PRR16: variants seen among roughly 807,000 people sequenced by gnomAD.
The protein encoded by PRR16 is proline rich 16.
PRR16 carries 6 observed loss-of-function variants against 18.2 expected under a neutral mutation model. That is an observed-to-expected ratio of 0.33 (90% CI 0.18 to 0.65). The LOEUF (loss-of-function observed/expected upper bound fraction) is 0.65. PRR16 is among the 30% of genes least tolerant of loss of function. The probability of loss-of-function intolerance (pLI) is 0.74; values close to 1 mark genes in which losing one functional copy is unlikely to be tolerated. For missense variants in PRR16, 412 were observed against 376.6 expected (o/e 1.09, Z -0.78); for synonymous variants, 151 against 147.8 (o/e 1.02, Z -0.16).
chr5:120,754,384 ATATT>A, the PRR16 span, among the ~76,000 whole-genome samples: 1 of 54,818 alleles, frequency 1.8e-5, no homozygotes, highest in Non-Finnish European at 3.0e-5. Context: ...TATAACATAT[ATATT>A]ATATGTTATA....
the PRR16 span, among the ~76,000 whole-genome samples, chr5:120,765,778 TTCTCACACTCAAGATAA>T: frequency 6.6e-6 from 1 of 152,020 alleles, no homozygotes; most frequent in Non-Finnish European, 1.5e-5. Context: ...TAGTCACTAT[TTCTCACACTCAAGATAA>T]TTTCTTTCCT....
At chr5:120,513,607 C>T (rs149458631) in intron 1 of PRR16, among the ~76,000 whole-genome samples, 1 of 152,244 alleles carries the variant, frequency 6.6e-6, no homozygotes, top group Non-Finnish European at 1.5e-5. Flanking sequence ...TTTCCCCCTA[C>T]TGGCCCTCCT....
chr5:120,480,222 C>A lies in PRR16; in HGVS notation c.159+15577C>A, dbSNP rs558983081. On this transcript the variant is annotated intron_variant, in intron 1 of 1. Coordinates refer to ENST00000407149, the MANE Select transcript of PRR16 (RefSeq NM_001300783.2). ...CCTGGGAGGCAGAGGTTGCAGTGAG[C>A]CCAGTGTTTGTGATTGTTTCATTAA... is the stretch of plus-strand genomic sequence containing the variant. Among the ~76,000 whole-genome samples the A allele has an allele frequency of 2.2e-4, 34 of 152,158 alleles. 2 individuals carry two copies. In the South Asian group the frequency reaches 4.8e-3, roughly 21 times the overall value.
At chr5:120,527,249 A>G (rs2112660755) in intron 1 of PRR16, among the ~76,000 whole-genome samples, 1 of 152,320 alleles carries the variant, frequency 6.6e-6, no homozygotes, top group Admixed American at 6.5e-5. Context: ...ATTGAGTCCA[A>G]CTTTTTGTAC....
the PRR16 span, among the ~76,000 whole-genome samples, chr5:120,791,153 CTGT>C: frequency 6.6e-6 from 1 of 152,074 alleles, no homozygotes; most frequent in East Asian, 1.9e-4. Context: ...CTAAATAAAT[CTGT>C]TGTTTGTATT....
the PRR16 span, among the ~76,000 whole-genome samples, chr5:120,751,789 T>A: frequency 4.6e-5 from 7 of 152,058 alleles, no homozygotes; most frequent in Admixed American, 3.3e-4. Flanking sequence ...CAGGACATCT[T>A]TGTAGGGGGT....
intron 1 of PRR16, among the ~76,000 whole-genome samples, chr5:120,496,344 C>T (rs1474637723): frequency 6.6e-6 from 1 of 151,986 alleles, no homozygotes; most frequent in Non-Finnish European, 1.5e-5. Context: ...TGCAGATTTT[C>T]TTACTTAGGG....
chr5:120,513,392 G>C (rs1367319271), intron 1 of PRR16, among the ~76,000 whole-genome samples: 2 of 152,064 alleles, frequency 1.3e-5, no homozygotes, highest in African/African-American at 4.8e-5. Context: ...TTCTCCTGAT[G>C]GTAATGTCTT....
intron 1 of PRR16, among the ~76,000 whole-genome samples, chr5:120,488,796 A>G (rs894978335): frequency 6.6e-6 from 1 of 151,434 alleles, no homozygotes; most frequent in Non-Finnish European, 1.5e-5. Flanking sequence ...AGTGCTATAA[A>G]TTTCCCTCTA....
intron 1 of PRR16, among the ~76,000 whole-genome samples, chr5:120,615,384 C>CTTTTTTTTTTTTTT (rs10717083): frequency 3.4e-4 from 41 of 119,392 alleles, no homozygotes; most frequent in Middle Eastern, 4.4e-3. Context: ...TCTTTCTTTT[C>CTTTTTTTTTTTTTT]TTTTTTTTTT....
chr5:120,761,090 A>C, the PRR16 span, among the ~76,000 whole-genome samples: 2 of 150,156 alleles, frequency 1.3e-5, no homozygotes, highest in African/African-American at 5.0e-5. Flanking sequence ...TATACATATA[A>C]AATTTATTAT....
At chr5:120,530,254 AATATATATATAT>A (rs3047950) in intron 1 of PRR16, among the ~76,000 whole-genome samples, 3 of 106,732 alleles carry the variant, frequency 2.8e-5, no homozygotes, top group African/African-American at 4.2e-5. Flanking sequence ...AGTGTGTGTA[AATATATATATAT>A]ATATATATAT....
chr5:120,545,546 C>T (rs1752049549), intron 1 of PRR16, among the ~76,000 whole-genome samples: 1 of 151,922 alleles, frequency 6.6e-6, no homozygotes, highest in Non-Finnish European at 1.5e-5. Flanking sequence ...AATTATTAAA[C>T]ATATATAAAA....
chr5:120,621,472 C>A (rs753676948), intron 1 of PRR16, among the ~76,000 whole-genome samples: 2 of 152,118 alleles, frequency 1.3e-5, no homozygotes, highest in Non-Finnish European at 2.9e-5. Flanking sequence ...CAGTACTCTA[C>A]TATACAAGCT....
At chr5:120,707,907 A>T in the PRR16 span, among the ~76,000 whole-genome samples, 1 of 152,206 alleles carries the variant, frequency 6.6e-6, no homozygotes, top group African/African-American at 2.4e-5. Flanking sequence ...TCCTGGGGTC[A>T]GATCCAGGTG....
At chr5:120,603,526 C>G (rs1370395398) in intron 1 of PRR16, among the ~76,000 whole-genome samples, 1 of 151,846 alleles carries the variant, frequency 6.6e-6, no homozygotes. Context: ...TTTCATTGTT[C>G]TGTTATGTGG....
chr5:120,610,455 C>A (rs1016658515), intron 1 of PRR16, among the ~76,000 whole-genome samples: 2 of 151,802 alleles, frequency 1.3e-5, no homozygotes, highest in Non-Finnish European at 2.9e-5. Context: ...TTGGCTATGT[C>A]CCCACCCATA....
At chr5:120,574,421 T>C (rs968338656) in intron 1 of PRR16, among the ~76,000 whole-genome samples, 2 of 151,928 alleles carry the variant, frequency 1.3e-5, no homozygotes, top group African/African-American at 4.8e-5. Context: ...CTGGCCAACA[T>C]AGCAAAACCC....
intron 1 of PRR16, among the ~76,000 whole-genome samples, chr5:120,544,747 C>T (rs1001348174): frequency 6.6e-6 from 1 of 151,858 alleles, no homozygotes; most frequent in Non-Finnish European, 1.5e-5. Context: ...ACTATGTTGC[C>T]CAGGCTGGTT....
Sources: allele counts gnomAD v4.1 joint callset (sites outside exome capture counted in the v4.1 genomes callset), GRCh38; gene constraint gnomAD v4.1.1; transcripts MANE v1.5; gene names NCBI Gene and HGNC (gene_info 2026-07-23, HGNC 2026-07-21).